The following RFXANK variants were observed in gnomAD, a reference collection of about 807,000 sequenced individuals.
The protein encoded by RFXANK is DNA-binding protein RFXANK.
A neutral mutation model predicts 34.5 loss-of-function variants in RFXANK; 19 were observed. The ratio of observed to expected loss-of-function variants is 0.55; its 90% CI spans 0.38 to 0.81. RFXANK has a LOEUF of 0.81. Among genes scored for constraint, RFXANK ranks in the 30% least tolerant of loss-of-function variants. The probability of loss-of-function intolerance (pLI) is 0.00; values close to 1 mark genes in which losing one functional copy is unlikely to be tolerated. For missense variants in RFXANK, 295 were observed against 343.5 expected (o/e 0.86, Z 1.12); for synonymous variants, 154 against 149.8 (o/e 1.03, Z -0.20).
At position 19,197,608 on chromosome 19, in the gene RFXANK, T is replaced by C; in HGVS notation, c.425T>C (p.Phe142Ser). ...TTTGGAGAGATTGAGACCGTTCGCT[T>C]CCTGCTGGAGTGGGTGCGTCCCAGC... ...SAFGEIETVR[F>S]LLEWGADPHI... The change falls in exon 6 of 10, where the codon TTC (phenylalanine) becomes TCC (serine). Residue 142 changes from phenylalanine (F) to serine (S), a missense_variant. Physicochemically the swap from Phe to Ser is radical, Grantham distance 155. Transcript: ENST00000303088. 1 of 1,613,660 alleles carries C rather than the reference T, an allele frequency of 6.2e-7. No homozygotes were observed. Among genetic ancestry groups the C allele is most frequent in the Non-Finnish European group, 8.5e-7 (1 of 1,179,952 alleles).
chr19:19,196,943 G>A lies in RFXANK; in HGVS notation c.188-20G>A, dbSNP rs769100017. On this transcript the variant is annotated intron_variant, in intron 3 of 9. Transcript: ENST00000303088. ...AGACATCTACTGAGGGGAAACTGAC[G>A]CCTGTTGTCTGTTTCCCAGCAGGCA... is the stretch of plus-strand genomic sequence containing the variant. The A allele has an allele frequency of 3.1e-6, 5 of 1,604,058 alleles. No individual in the cohort carries two copies. The highest frequency in any genetic ancestry group is 3.3e-5 in the Admixed American group (2 of 59,992).
chr19:19,198,790 G>T, intron 8 of RFXANK, 67 bp downstream of exon 8: 1 of 1,495,276 alleles, frequency 6.7e-7, no homozygotes, highest in South Asian at 1.1e-5. Context: ...GAATCCTGAG[G>T]GCAGGGAGAC....
At chr19:19,196,867 A>T in intron 3 of RFXANK, 96 bp from the exon 4 acceptor site, 1 of 1,170,542 alleles carries the variant, frequency 8.5e-7, no homozygotes, top group Non-Finnish European at 1.3e-6. Flanking sequence ...TCCATCTCAA[A>T]CAACAACAGC....
chr19:19,199,791 A>G (rs773073619), intron 9 of RFXANK, among the ~76,000 whole-genome samples: 22 of 152,170 alleles, frequency 1.4e-4, no homozygotes, highest in Non-Finnish European at 2.9e-4. Context: ...CAGGGGCCAT[A>G]GGCAGACCCC....
rs777559481 is a variant in RFXANK at position 19,198,251 on chromosome 19, C to A, written c.564+19C>A. The A allele has an allele frequency of 1.1e-5, 18 of 1,614,048 alleles. No individual in the cohort carries two copies. Among genetic ancestry groups the A allele is most frequent in the Non-Finnish European group, 1.5e-5 (18 of 1,179,978 alleles). ...TGATTGGGTGAGGGACTGCCCATCC[C>A]CAGGACCTCTCAGCCTCCTGGCCTT... On this transcript the variant is annotated intron_variant, in intron 7 of 9. Coordinates refer to ENST00000303088, the MANE Select transcript of RFXANK (RefSeq NM_003721.4).
chr19:19,192,998 C>A lies in RFXANK; in HGVS notation c.-111C>A, dbSNP rs2060516388. On this transcript the variant is annotated 5_prime_UTR_variant, in exon 2 of 10. Coordinates refer to ENST00000303088, the MANE Select transcript of RFXANK (RefSeq NM_003721.4). ...GCTGAGGGTCCGGTCTCCAGTTTGCCTCCTGCTATATCCATTGGAAGAGAA... is the reference window on the plus strand; with the variant it reads ...GCTGAGGGTCCGGTCTCCAGTTTGCATCCTGCTATATCCATTGGAAGAGAA... 6.6e-6 allele frequency: 1 copy of A among 152,326 alleles called. No homozygotes were observed. The highest frequency in any genetic ancestry group is 1.5e-5 in the Non-Finnish European group (1 of 68,122). The allele number at this position is 152,326 out of a possible 1,614,324, so 9.4% of individuals were successfully genotyped here. A position where few individuals can be genotyped will look rare whatever the true frequency, so the allele number is the denominator to read the frequency against.
In RFXANK at chr19:19,194,759, C is replaced by T. The variant is rs533085102; in HGVS notation, c.187+626C>T. Reference sequence around the variant, plus strand: ...CAAGTGATCTGCAGGCCTCCACTTCCGAAAGTGCTGGGATTACAGGTGTGA... The same window carrying T: ...CAAGTGATCTGCAGGCCTCCACTTCTGAAAGTGCTGGGATTACAGGTGTGA... On this transcript the variant is annotated intron_variant, in intron 3 of 9. Coordinates refer to ENST00000303088, the MANE Select transcript of RFXANK (RefSeq NM_003721.4). Among the ~76,000 whole-genome samples, 451 of 151,792 alleles carry T rather than the reference C, an allele frequency of 3.0e-3. 4 individuals are homozygous for T. Among genetic ancestry groups the T allele is most frequent in the African/African-American group, 9.5e-3 (392 of 41,358 alleles).
chr19:19,199,955 G>C (rs1412082464), intron 9 of RFXANK, among the ~76,000 whole-genome samples: 1 of 152,080 alleles, frequency 6.6e-6, no homozygotes, highest in Non-Finnish European at 1.5e-5. Flanking sequence ...CTGTGTTTGG[G>C]ACAGAAATCA....
At chr19:19,194,237 TTTG>T (rs2060556410) in intron 3 of RFXANK, 104 bp downstream of exon 3, 3 of 1,292,286 alleles carry the variant, frequency 2.3e-6, no homozygotes, top group Non-Finnish European at 3.3e-6. Flanking sequence ...TTTGTTTTGT[TTTG>T]TTGTTTTTTG....
chr19:19,196,545 G>C (rs1180354356), intron 3 of RFXANK, among the ~76,000 whole-genome samples: 1 of 149,700 alleles, frequency 6.7e-6, no homozygotes, highest in African/African-American at 2.5e-5. Flanking sequence ...CTGGACAACA[G>C]AGCAAGACTC....
intron 3 of RFXANK, among the ~76,000 whole-genome samples, chr19:19,196,017 C>T (rs540379197): frequency 3.3e-5 from 5 of 151,552 alleles, no homozygotes; most frequent in Non-Finnish European, 5.9e-5. Flanking sequence ...GCTGGGATTA[C>T]AGGCATGAGC....
Position 19,193,938 on chromosome 19 carries a change from G to A in RFXANK, c.-8-1G>A. ...CTCTCCCCTTCTGACACCTCCGCCA[G>A]CTTTCCCCATGGAGCTTACCCAGCC... On this transcript the variant is annotated splice_acceptor_variant, in intron 2 of 9. Coordinates refer to ENST00000303088, the MANE Select transcript of RFXANK (RefSeq NM_003721.4). LOFTEE classifies it low-confidence loss of function (5UTR_SPLICE). The A allele has an allele frequency of 6.2e-7, 1 of 1,614,144 alleles. No individual in the cohort carries two copies. The highest frequency in any genetic ancestry group is 8.5e-7 in the Non-Finnish European group (1 of 1,180,034).
At position 19,201,853 on chromosome 19, in the gene RFXANK, CCTT is replaced by C. The variant is rs1310297260; in HGVS notation, c.*137_*139del. ...ACCCTTCCCAAGAGGAACCAATAAACCTTCTGTGCAGAATGAGGGACTTTGCTG... is the reference window on the plus strand; with the variant it reads ...ACCCTTCCCAAGAGGAACCAATAAACCTGTGCAGAATGAGGGACTTTGCTG... On this transcript the variant is annotated 3_prime_UTR_variant, in exon 10 of 10. Transcript: ENST00000303088. 33 of 1,612,100 alleles carry C rather than the reference CCTT, an allele frequency of 2.0e-5. No homozygotes were observed. The highest frequency in any genetic ancestry group is 1.3e-4 in the East Asian group (6 of 44,834).
At position 19,193,936 on chromosome 19, in the gene RFXANK, C is replaced by T; in HGVS notation, c.-8-3C>T. On this transcript the variant is annotated splice_region_variant and splice_polypyrimidine_tract_variant and intron_variant, in intron 2 of 9. Coordinates refer to ENST00000303088, the MANE Select transcript of RFXANK (RefSeq NM_003721.4). ...ATCTCTCCCCTTCTGACACCTCCGC[C>T]AGCTTTCCCCATGGAGCTTACCCAG... is the stretch of plus-strand genomic sequence containing the variant. The T allele has an allele frequency of 1.2e-6, 2 of 1,614,192 alleles. No homozygotes were observed. The highest frequency in any genetic ancestry group is 1.7e-6 in the Non-Finnish European group (2 of 1,180,044).
chr19:19,197,543 A>G lies in RFXANK; in HGVS notation c.360A>G (p.Pro120=). ...CAGGTGACAACCTCGTCAACAAGCC[A>G]GACGAGCGCGGCTTCACCCCCCTCA... ...LRKGDNLVNK[P]DERGFTPLIW... is the part of the protein sequence containing the mutation. The change falls in exon 6 of 10, where the codon CCA becomes CCG. Residue 120 remains proline, a synonymous_variant. Coordinates refer to ENST00000303088, the MANE Select transcript of RFXANK (RefSeq NM_003721.4). The G allele has an allele frequency of 6.2e-7, 1 of 1,613,930 alleles. No homozygotes were observed. The highest frequency in any genetic ancestry group is 8.5e-7 in the Non-Finnish European group (1 of 1,180,010).
chr19:19,199,336 CGA>C, intron 9 of RFXANK, 102 bp downstream of exon 9: 2 of 1,144,302 alleles, frequency 1.7e-6, no homozygotes, highest in Non-Finnish European at 2.6e-6. Context: ...ACGCCGGCAG[CGA>C]GAGTGTGTTG....
At position 19,193,412 on chromosome 19, in the gene RFXANK, CTTTT is replaced by C. The variant is rs71338310; in HGVS notation, c.-9+333_-9+336del. 3.7e-3 allele frequency among the ~76,000 whole-genome samples: 354 copies of C among 94,796 alleles called. 1 individual carries two copies. Among genetic ancestry groups the C allele is most frequent in the African/African-American group, 0.014 (340 of 24,450 alleles). 62.2% of individuals were successfully genotyped at this position (94,796 alleles called of 152,430 possible). On this transcript the variant is annotated intron_variant, in intron 2 of 9. Transcript: ENST00000303088. ...CAGAGCCCCGGCTTTTTTTTCCTTT[CTTTT>C]TTTTTTTTTTTTTTTTTTTTGAGAC...
At position 19,198,770 on chromosome 19, in the gene RFXANK, G is replaced by A. The variant is rs750129307; in HGVS notation, c.631+47G>A. On this transcript the variant is annotated intron_variant, in intron 8 of 9. Coordinates refer to ENST00000303088, the MANE Select transcript of RFXANK (RefSeq NM_003721.4). ...CCCTGGGGGCCCCAGCACTCCAGCG[G>A]GCCCTGCGGGAATCCTGAGGGCAGG... The A allele has an allele frequency of 1.0e-5, 16 of 1,588,912 alleles. No individual in the cohort carries two copies. In the Admixed American group the frequency reaches 1.7e-4, roughly 17 times the overall value.
intron 3 of RFXANK, among the ~76,000 whole-genome samples, chr19:19,195,491 G>A (rs1359075592): frequency 6.6e-6 from 1 of 151,804 alleles, no homozygotes; most frequent in Non-Finnish European, 1.5e-5. Flanking sequence ...TTTTAGTAGA[G>A]ATGGAGTTTT....
Sources: gnomAD v4.1 joint callset for allele counts (sites outside exome capture counted in the v4.1 genomes callset) on GRCh38, gnomAD v4.1.1 for gene constraint, MANE v1.5 for transcripts, NCBI Gene and HGNC (gene_info 2026-07-23, HGNC 2026-07-21) for gene names.